FARS2: variants seen among roughly 807,000 people sequenced by gnomAD.
FARS2 encodes the protein phenylalanine--tRNA ligase, mitochondrial.
FARS2 carries 40 observed loss-of-function variants against 46.4 expected under a neutral mutation model. The observed-to-expected ratio is 0.86, with a 90% confidence interval of 0.67 to 1.12. The LOEUF (loss-of-function observed/expected upper bound fraction) is 1.12, where lower values mean the gene tolerates loss of function less well. Ranked by LOEUF, FARS2 falls within the 50% of genes most tolerant of loss-of-function variation. The pLI, the probability that FARS2 is intolerant of heterozygous loss-of-function variation, is 0.00. For missense variants in FARS2, 513 were observed against 567.9 expected (o/e 0.90, Z 0.98); for synonymous variants, 234 against 214.9 (o/e 1.09, Z -0.78).
intron 2 of FARS2, among the ~76,000 whole-genome samples, chr6:5,384,432 A>G (rs1581945933): frequency 6.6e-6 from 1 of 152,158 alleles, no homozygotes; most frequent in East Asian, 1.9e-4. Context: ...AGCACTGCGG[A>G]GGGCAGCCTC....
At chr6:5,504,770 A>G (rs2150389348) in intron 4 of FARS2, among the ~76,000 whole-genome samples, 1 of 152,360 alleles carries the variant, frequency 6.6e-6, no homozygotes, top group Admixed American at 6.5e-5. Context: ...TATAATTAAC[A>G]TAAAGAATGT....
intron 3 of FARS2, among the ~76,000 whole-genome samples, chr6:5,409,929 A>G (rs190756971): frequency 1.0e-3 from 152 of 152,134 alleles, no homozygotes; most frequent in Middle Eastern, 6.8e-3. Context: ...CGTGTTTGTG[A>G]CGTCCGCTGT....
intron 6 of FARS2, among the ~76,000 whole-genome samples, chr6:5,720,943 C>G (rs1759855532): frequency 6.6e-6 from 1 of 152,100 alleles, no homozygotes; most frequent in Non-Finnish European, 1.5e-5. Flanking sequence ...GTCCCAGCCA[C>G]TTAGGAGGCT....
In FARS2 at chr6:5,618,682, G is replaced by A. The variant is rs183857524; in HGVS notation, c.1217+5362G>A. On this transcript the variant is annotated intron_variant, in intron 6 of 6. Transcript: ENST00000274680. ...GATGTTCAGGTTAGAAGAAAATGGC[G>A]TTTTGTTCCAGCCAGTCATTTAGAA... Among the ~76,000 whole-genome samples the A allele has an allele frequency of 2.8e-4, 43 of 152,318 alleles. 1 individual carries two copies. In the East Asian group the frequency reaches 5.8e-3, roughly 21 times the overall value.
chr6:5,575,669 A>C (rs1459512190), intron 5 of FARS2, among the ~76,000 whole-genome samples: 1 of 152,132 alleles, frequency 6.6e-6, no homozygotes, highest in Non-Finnish European at 1.5e-5. Context: ...AATTTTATAC[A>C]TGTATTTTGT....
intron 4 of FARS2, among the ~76,000 whole-genome samples, chr6:5,512,630 T>C (rs145120116): frequency 6.6e-6 from 1 of 152,188 alleles, no homozygotes; most frequent in East Asian, 1.9e-4. Context: ...AGGTTACAGA[T>C]GCTGTGCCAG....
chr6:5,499,221 ACGTGTGC>A (rs1767651898), intron 4 of FARS2, among the ~76,000 whole-genome samples: 1 of 152,182 alleles, frequency 6.6e-6, no homozygotes, highest in African/African-American at 2.4e-5. Flanking sequence ...GTTCTGGCCA[ACGTGTGC>A]CTACCCCAAG....
At chr6:5,719,774 G>A (rs1049940363) in intron 6 of FARS2, among the ~76,000 whole-genome samples, 7 of 152,224 alleles carry the variant, frequency 4.6e-5, no homozygotes, top group African/African-American at 7.2e-5. Flanking sequence ...TTCAGGTTCT[G>A]TAGCATCATT....
intron 6 of FARS2, among the ~76,000 whole-genome samples, chr6:5,725,772 CT>C (rs1760209309): frequency 6.6e-6 from 1 of 152,092 alleles, no homozygotes; most frequent in South Asian, 2.1e-4. Context: ...CCCGTGTCTA[CT>C]AAAAATACAA....
intron 5 of FARS2, among the ~76,000 whole-genome samples, chr6:5,564,910 G>A (rs919322863): frequency 1.3e-5 from 2 of 152,220 alleles, no homozygotes; most frequent in Admixed American, 6.5e-5. Context: ...CATGAGGCCA[G>A]TTCTTCCTAA....
At chr6:5,444,092 C>CGTGTGTGT (rs35213574) in intron 4 of FARS2, among the ~76,000 whole-genome samples, 11,123 of 146,194 alleles carry the variant, frequency 0.076, 581 homozygotes, top group African/African-American at 0.14. Context: ...GGAAGATCCT[C>CGTGTGTGT]GTGTGTGTGT....
At chr6:5,699,771 TG>T (rs1179301581) in intron 6 of FARS2, among the ~76,000 whole-genome samples, 1 of 152,204 alleles carries the variant, frequency 6.6e-6, no homozygotes, top group Non-Finnish European at 1.5e-5. Context: ...TGCCTAGTAC[TG>T]GGTCTCAAAT....
chr6:5,606,004 GCA>G (rs1337260149), intron 5 of FARS2, among the ~76,000 whole-genome samples: 1 of 152,112 alleles, frequency 6.6e-6, no homozygotes, highest in Non-Finnish European at 1.5e-5. Flanking sequence ...CCAGAATGCA[GCA>G]CAGACACACA....
Position 5,481,455 on chromosome 6 carries a change from T to C in FARS2, c.904+50283T>C, listed in dbSNP as rs542010959. On this transcript the variant is annotated intron_variant, in intron 4 of 6. Transcript: ENST00000274680. ...AAGTTGTAATTACTACCACAGTTTCTTTTCTTTTGTCGTTTTTCTGGATCT... is the reference window on the plus strand; with the variant it reads ...AAGTTGTAATTACTACCACAGTTTCCTTTCTTTTGTCGTTTTTCTGGATCT... 7.2e-5 allele frequency among the ~76,000 whole-genome samples: 11 copies of C among 152,338 alleles called. No homozygotes were observed. The East Asian group carries it at 9.6e-4, about 13-fold the overall frequency.
At chr6:5,260,698 C>G, upstream of FARS2, 1 of 1,554,016 alleles carries the variant, frequency 6.4e-7, no homozygotes, top group Non-Finnish European at 8.7e-7. Flanking sequence ...TCGCCCGGTA[C>G]AGAGATAACA....
chr6:5,412,829 C>T (rs1226740524), intron 3 of FARS2, among the ~76,000 whole-genome samples: 5 of 152,082 alleles, frequency 3.3e-5, no homozygotes, highest in African/African-American at 9.7e-5. Flanking sequence ...TCCTAGACAG[C>T]GAAGTAGCCA....
intron 6 of FARS2, among the ~76,000 whole-genome samples, chr6:5,766,689 A>G (rs1762769066): frequency 6.6e-6 from 1 of 152,200 alleles, no homozygotes; most frequent in South Asian, 2.1e-4. Context: ...ACATAACATT[A>G]ACCATTTTTT....
At chr6:5,541,446 C>T (rs566942032) in intron 4 of FARS2, among the ~76,000 whole-genome samples, 6 of 152,152 alleles carry the variant, frequency 3.9e-5, no homozygotes, top group African/African-American at 1.4e-4. Flanking sequence ...ATTTCCATCT[C>T]CTGGAAAAGT....
intron 1 of FARS2, among the ~76,000 whole-genome samples, chr6:5,313,731 T>C (rs1351085352): frequency 6.6e-6 from 1 of 152,044 alleles, no homozygotes; most frequent in Admixed American, 6.6e-5. Flanking sequence ...TTTTTATATG[T>C]GGTGGAGAAG....
Sources: allele counts gnomAD v4.1 joint callset (sites outside exome capture counted in the v4.1 genomes callset), GRCh38; gene constraint gnomAD v4.1.1; transcripts MANE v1.5; gene names NCBI Gene and HGNC (gene_info 2026-07-23, HGNC 2026-07-21).